Variants in ZNF565 observed in about 807,000 individuals in gnomAD.
The protein encoded by ZNF565 is zinc finger protein 565.
ZNF565 carries 27 observed loss-of-function variants against 39.4 expected under a neutral mutation model. That is an observed-to-expected ratio of 0.69 (90% CI 0.51 to 0.95). ZNF565 has a LOEUF of 0.95. ZNF565 is among the 40% of genes least tolerant of loss of function. ZNF565 has a pLI of 0.00. For synonymous variants in ZNF565, 185 were observed against 216.6 expected (o/e 0.85, Z 1.28); for missense variants, 524 against 621.1 (o/e 0.84, Z 1.66).
chr19:36,183,675 G>A lies in ZNF565; in HGVS notation c.291C>T (p.Phe97=), dbSNP rs1975175218. The change falls in exon 5 of 5, where the codon TTC becomes TTT. Residue 97 remains phenylalanine (F), a synonymous_variant. Transcript: ENST00000304116. ...TAAGGCTTTCCATTATCTCCCAGTT[G>A]AATGCCCCGATTTCAAAAATGTCTT... ...LQKDIFEIGA[F]NWEIMESLKC... is the part of the protein sequence containing the mutation. 6.2e-7 allele frequency: 1 copy of A among 1,613,382 alleles called. No individual in the cohort carries two copies. Among genetic ancestry groups the A allele is most frequent in the Non-Finnish European group, 8.5e-7 (1 of 1,179,658 alleles).
chr19:36,191,589 C>G (rs1287605961), intron 4 of ZNF565, among the ~76,000 whole-genome samples: 1 of 152,046 alleles, frequency 6.6e-6, no homozygotes, highest in Non-Finnish European at 1.5e-5. Context: ...AACGAGTTTT[C>G]AAGGGCCAAA....
chr19:36,225,649 G>A (rs535998038), intron 1 of ZNF565, among the ~76,000 whole-genome samples: 2 of 150,292 alleles, frequency 1.3e-5, no homozygotes, highest in Admixed American at 6.6e-5. Flanking sequence ...TGCTAAGCAC[G>A]CTGGTCTTGA....
At chr19:36,206,476 A>T (rs1976159459) in intron 1 of ZNF565, among the ~76,000 whole-genome samples, 1 of 151,760 alleles carries the variant, frequency 6.6e-6, no homozygotes, top group Non-Finnish European at 1.5e-5. Flanking sequence ...AAAAGAAAAA[A>T]GATGAGATGT....
At chr19:36,214,745 A>G (rs1241900681), upstream of ZNF565, 1 of 152,284 alleles carries the variant, frequency 6.6e-6, no homozygotes, top group Non-Finnish European at 1.5e-5. Flanking sequence ...TAGATCGGCC[A>G]CGGACAGAAT....
intron 1 of ZNF565, among the ~76,000 whole-genome samples, chr19:36,230,448 A>G (rs1027845497): frequency 1.3e-5 from 2 of 152,214 alleles, no homozygotes; most frequent in Non-Finnish European, 2.9e-5. Flanking sequence ...TATGGAAAAG[A>G]ATAAAGTAAG....
At chr19:36,212,044 C>A (rs1254306358) in intron 1 of ZNF565, among the ~76,000 whole-genome samples, 2 of 152,174 alleles carry the variant, frequency 1.3e-5, no homozygotes, top group Non-Finnish European at 2.9e-5. Context: ...CTGGCAATCA[C>A]CGTCTTAACC....
At chr19:36,214,687 C>T (rs551847456), upstream of ZNF565, 1 of 152,870 alleles carries the variant, frequency 6.5e-6, no homozygotes, top group Non-Finnish European at 1.5e-5. Flanking sequence ...ACGTCAAGAA[C>T]GACGTAACGT....
intron 1 of ZNF565, among the ~76,000 whole-genome samples, chr19:36,239,088 T>A (rs1168369507): frequency 6.6e-6 from 1 of 152,186 alleles, no homozygotes; most frequent in African/African-American, 2.4e-5. Flanking sequence ...TTGTCTTCCA[T>A]GAAACAGGTC....
intron 1 of ZNF565, among the ~76,000 whole-genome samples, chr19:36,208,061 G>A (rs893691795): frequency 2.6e-5 from 4 of 152,092 alleles, no homozygotes; most frequent in African/African-American, 9.7e-5. Context: ...CAGACGCTTG[G>A]TCAATATGAG....
At chr19:36,230,317 A>G (rs1006915270) in intron 1 of ZNF565, among the ~76,000 whole-genome samples, 11 of 152,350 alleles carry the variant, frequency 7.2e-5, no homozygotes, top group Middle Eastern at 3.4e-3. Context: ...TTCAGATGCT[A>G]GGGAAATGTC....
intron 2 of ZNF565, among the ~76,000 whole-genome samples, chr19:36,197,131 G>T (rs1054539341): frequency 6.6e-6 from 1 of 151,650 alleles, no homozygotes; most frequent in African/African-American, 2.4e-5. Flanking sequence ...AATTAGCCAG[G>T]CGTGGTAGTG....
rs780861483 is a variant in ZNF565 at position 36,183,394 on chromosome 19, C to A, written c.572G>T (p.Gly191Val). ...HLIQHQKIHT[G>V]EKPFGCKECG... The stretch of plus-strand genomic sequence containing the variant: ...TTCCTTACATCCAAAGGGTTTTTCA[C>A]CAGTGTGAATTTTCTGATGTTGAAT... The change falls in exon 5 of 5, where the codon GGT becomes GTT. Residue 191 changes from glycine to valine, a missense_variant. Gly to Val is a moderately radical substitution (Grantham distance 109). Coordinates refer to ENST00000304116, the MANE Select transcript of ZNF565 (RefSeq NM_152477.5). The A allele has an allele frequency of 6.2e-7, 1 of 1,608,158 alleles. No individual in the cohort carries two copies. The highest frequency in any genetic ancestry group is 8.5e-7 in the Non-Finnish European group (1 of 1,174,814).
At chr19:36,201,935 G>A (rs777555940) in intron 2 of ZNF565, 42 bp downstream of exon 2, 19 of 1,609,746 alleles carry the variant, frequency 1.2e-5, no homozygotes, top group Non-Finnish European at 1.6e-5. Flanking sequence ...TAATCTGGCG[G>A]GAAGACAGAT....
chr19:36,189,356 C>A (rs1441458825), intron 4 of ZNF565, among the ~76,000 whole-genome samples: 2 of 151,606 alleles, frequency 1.3e-5, no homozygotes, highest in African/African-American at 4.8e-5. Flanking sequence ...CTCTGTCGCC[C>A]AGGCTGGGAG....
At chr19:36,188,380 GA>G (rs557660999) in intron 4 of ZNF565, among the ~76,000 whole-genome samples, 4,573 of 146,468 alleles carry the variant, frequency 0.031, 171 homozygotes, top group African/African-American at 0.096. Context: ...AAGAGAGAGA[GA>G]AAAAAAAATT....
At chr19:36,221,690 C>G (rs1164509450) in intron 1 of ZNF565, among the ~76,000 whole-genome samples, 5 of 152,058 alleles carry the variant, frequency 3.3e-5, no homozygotes, top group Non-Finnish European at 5.9e-5. Flanking sequence ...TCATTCTGCT[C>G]CCTTCCCCCA....
upstream of ZNF565, chr19:36,214,677 A>G (rs569094789): frequency 4.2e-4 from 64 of 152,844 alleles, no homozygotes; most frequent in African/African-American, 1.5e-3. Context: ...GCTCGCCACG[A>G]CGTCAAGAAC....
intron 4 of ZNF565, among the ~76,000 whole-genome samples, chr19:36,191,252 T>C (rs567495288): frequency 6.6e-6 from 1 of 151,582 alleles, no homozygotes; most frequent in African/African-American, 2.4e-5. Context: ...GTAAAGATGT[T>C]AAGGTCTTGC....
chr19:36,187,740 T>A (rs1396147706), intron 4 of ZNF565, among the ~76,000 whole-genome samples: 1 of 146,284 alleles, frequency 6.8e-6, no homozygotes, highest in Non-Finnish European at 1.5e-5. Context: ...CAGGTTCAAG[T>A]GATTCTCCTG....
Sources: allele counts gnomAD v4.1 joint callset (sites outside exome capture counted in the v4.1 genomes callset), GRCh38; gene constraint gnomAD v4.1.1; transcripts MANE v1.5; gene names NCBI Gene and HGNC (gene_info 2026-07-23, HGNC 2026-07-21).